ITPR1: variants seen among roughly 807,000 people sequenced by gnomAD.
The protein encoded by ITPR1 is inositol 1,4,5-trisphosphate-gated calcium channel ITPR1.
Under a neutral mutation model 318.4 loss-of-function variants are expected in ITPR1, and 96 were observed. The observed-to-expected ratio is 0.30, with a 90% CI of 0.26 to 0.36. The LOEUF is 0.36. ITPR1 is among the 10% of genes least tolerant of loss of function. The pLI, the probability that ITPR1 is intolerant of heterozygous loss-of-function variation, is 1.00. For missense variants in ITPR1, 2,440 were observed against 3,460.2 expected (o/e 0.71, Z 7.40); for synonymous variants, 1,312 against 1,289.9 (o/e 1.02, Z -0.37).
intron 4 of ITPR1, among the ~76,000 whole-genome samples, chr3:4,533,523 T>G (rs1318700879): frequency 6.6e-6 from 1 of 152,264 alleles, no homozygotes; most frequent in Non-Finnish European, 1.5e-5. Context: ...CAATACAGCC[T>G]CAGCACTCAG....
At chr3:4,751,751 G>GT (rs772638239) in intron 44 of ITPR1, among the ~76,000 whole-genome samples, 2 of 152,106 alleles carry the variant, frequency 1.3e-5, no homozygotes, top group Non-Finnish European at 2.9e-5. Context: ...TTTCCCTTTG[G>GT]AAATCTTCCA....
rs780511071 is a variant in ITPR1 at position 4,811,425 on chromosome 3, A to C, written c.7433A>C (p.Glu2478Ala). 32 of 1,613,966 alleles carry C rather than the reference A, an allele frequency of 2.0e-5. No homozygotes were observed. Among genetic ancestry groups the C allele is most frequent in the Non-Finnish European group, 2.5e-5 (29 of 1,179,864 alleles). Reference sequence around the variant, plus strand: ...TTCTTCAAGGATGACTTTATCTTGGAAGTAGATAGGCTGCCCAATGAAACA... The same window carrying C: ...TTCTTCAAGGATGACTTTATCTTGGCAGTAGATAGGCTGCCCAATGAAACA... ...YLFFKDDFIL[E>A]VDRLPNETAV... The change falls in exon 56 of 62, where the codon GAA becomes GCA. Residue 2478 changes from glutamate (E) to alanine (A), a missense_variant. By Grantham distance (107) the Glu-to-Ala change is moderately radical (BLOSUM62 -1). Transcript: ENST00000649015.
At chr3:4,750,392 G>A (rs991276727) in intron 44 of ITPR1, 2 of 152,266 alleles carry the variant, frequency 1.3e-5, no homozygotes, top group Non-Finnish European at 1.5e-5. Context: ...CCAGCAGGCC[G>A]AGGCAAACTC....
chr3:4,663,974 G>T lies in ITPR1; in HGVS notation c.1554+768G>T, dbSNP rs140388809. On this transcript the variant is annotated intron_variant, in intron 16 of 61. Transcript: ENST00000649015. ...CAAGGTTCTTCAGTGTCTGTCCATG[G>T]CTTGATAGTTCAGTTCAATTGATTT... Among the ~76,000 whole-genome samples, 3 of 152,272 alleles carry T rather than the reference G, an allele frequency of 2.0e-5. No homozygotes were observed. In the South Asian group the frequency reaches 6.2e-4, roughly 32 times the overall value.
chr3:4,684,228 G>A lies in ITPR1; in HGVS notation c.3499-53G>A, dbSNP rs2094350984. On this transcript the variant is annotated intron_variant, in intron 28 of 61. Transcript: ENST00000649015. ...AGGTCGATGCTAACTGTAAAAAACT[G>A]ACAGTAGCCCAAGAGTTGTACAGAT... 22 of 1,202,962 alleles carry A rather than the reference G, an allele frequency of 1.8e-5. No homozygotes were observed. The South Asian group carries it at 2.4e-4, about 13-fold the overall frequency. 74.5% of individuals were successfully genotyped at this position (1,202,962 alleles called of 1,614,324 possible).
At chr3:4,514,628 G>A (rs62231447) in intron 2 of ITPR1, among the ~76,000 whole-genome samples, 32,003 of 152,106 alleles carry the variant, frequency 0.21, 3,973 homozygotes, top group Admixed American at 0.31. Flanking sequence ...GTCCTCTTGC[G>A]GAGCACATAC....
At chr3:4,631,749 A>G (rs562661279) in intron 5 of ITPR1, among the ~76,000 whole-genome samples, 14 of 152,278 alleles carry the variant, frequency 9.2e-5, no homozygotes, top group Admixed American at 5.2e-4. Flanking sequence ...AATAGTATTA[A>G]TAAAACCATG....
chr3:4,556,447 C>A (rs2086136216), intron 4 of ITPR1, among the ~76,000 whole-genome samples: 1 of 152,044 alleles, frequency 6.6e-6, no homozygotes, highest in Non-Finnish European at 1.5e-5. Flanking sequence ...CCCTAAGAAT[C>A]TCTGTGCTCC....
rs71053433 is a variant in ITPR1, at chr3:4,617,988, CAAAAA to C, written c.164-9763_164-9759del. On this transcript the variant is annotated intron_variant, in intron 4 of 61. Transcript: ENST00000649015. The stretch of plus-strand genomic sequence containing the variant: ...CAACAAAGTGAGACCGTGCGTATCT[CAAAAA>C]AAAAAAAAAAAGTTTTATTTGATAT... 4.6e-5 allele frequency among the ~76,000 whole-genome samples: 6 copies of C among 131,830 alleles called. No individual in the cohort carries two copies. In the East Asian group the frequency reaches 6.5e-4, roughly 14 times the overall value. 86.5% of individuals were successfully genotyped at this position (131,830 alleles called of 152,430 possible).
chr3:4,539,436 T>G (rs968081068), intron 4 of ITPR1, among the ~76,000 whole-genome samples: 6 of 152,172 alleles, frequency 3.9e-5, no homozygotes, highest in East Asian at 1.9e-4. Flanking sequence ...AGTTTGTTGG[T>G]TTTTTTATCT....
chr3:4,679,080 A>G (rs2094244754), intron 24 of ITPR1, among the ~76,000 whole-genome samples: 1 of 152,194 alleles, frequency 6.6e-6, no homozygotes, highest in Non-Finnish European at 1.5e-5. Context: ...GAGAAACGGC[A>G]GTAGGGGAGA....
intron 53 of ITPR1, among the ~76,000 whole-genome samples, chr3:4,798,496 G>A (rs1205410531): frequency 2.0e-5 from 3 of 152,224 alleles, no homozygotes; most frequent in African/African-American, 7.2e-5. Context: ...GTCATACACG[G>A]CTGGTGGGAA....
At chr3:4,563,631 A>G (rs78667305) in intron 4 of ITPR1, among the ~76,000 whole-genome samples, 12,777 of 152,260 alleles carry the variant, frequency 0.084, 600 homozygotes, top group Non-Finnish European at 0.1. Flanking sequence ...GAAATTGCAG[A>G]GTACGTGTTT....
At chr3:4,708,008 G>A (rs1161226477) in intron 37 of ITPR1, among the ~76,000 whole-genome samples, 2 of 152,178 alleles carry the variant, frequency 1.3e-5, no homozygotes, top group Non-Finnish European at 2.9e-5. Flanking sequence ...AGAGGGACAA[G>A]TGAGAAGTGC....
At chr3:4,815,336 G>T in intron 59 of ITPR1, 118 bp downstream of exon 59, 1 of 882,144 alleles carries the variant, frequency 1.1e-6, no homozygotes. Context: ...AGGGGGCACC[G>T]GCTGCTGCTT....
chr3:4,564,189 C>T, intron 4 of ITPR1, among the ~76,000 whole-genome samples: 1 of 152,288 alleles, frequency 6.6e-6, no homozygotes, highest in East Asian at 1.9e-4. Context: ...GATCCACCCG[C>T]CTCGGCCTCC....
chr3:4,703,887 G>C (rs2094704688), intron 36 of ITPR1, among the ~76,000 whole-genome samples: 1 of 152,114 alleles, frequency 6.6e-6, no homozygotes, highest in Admixed American at 6.6e-5. Context: ...ATACACGACA[G>C]GTTCATTGTG....
At chr3:4,503,192 A>G (rs112588535) in intron 2 of ITPR1, among the ~76,000 whole-genome samples, 1 of 152,212 alleles carries the variant, frequency 6.6e-6, no homozygotes, top group Admixed American at 6.5e-5. Context: ...GTTCAGTACA[A>G]ATCTCTGCAG....
At chr3:4,699,351 T>C (rs1289895792) in intron 34 of ITPR1, among the ~76,000 whole-genome samples, 5 of 124,070 alleles carry the variant, frequency 4.0e-5, no homozygotes, top group African/African-American at 1.3e-4. Context: ...CGTGAGACTC[T>C]ATCTCAAAAC....
Sources: gnomAD v4.1 joint callset for allele counts (sites outside exome capture counted in the v4.1 genomes callset) on GRCh38, gnomAD v4.1.1 for gene constraint, MANE v1.5 for transcripts, NCBI Gene and HGNC (gene_info 2026-07-23, HGNC 2026-07-21) for gene names.